Variants in CAST observed in about 807,000 individuals in gnomAD.
The protein encoded by CAST is MIR583 host.
CAST carries 76 observed loss-of-function variants against 119.6 expected under a neutral mutation model. The observed-to-expected ratio is 0.64, with a 90% confidence interval of 0.53 to 0.77. The LOEUF (loss-of-function observed/expected upper bound fraction) is 0.77. CAST is among the 30% of genes least tolerant of loss of function. The pLI is 0.00. For missense variants in CAST, 953 were observed against 946.5 expected, an observed-to-expected ratio of 1.01 and a Z score of -0.09; for synonymous variants, 319 against 331.6, an observed-to-expected ratio of 0.96 and a Z score of 0.41.
the CAST span, among the ~76,000 whole-genome samples, chr5:96,122,541 G>A: frequency 3.3e-5 from 5 of 152,136 alleles, no homozygotes; most frequent in African/African-American, 1.2e-4. Context: ...TCCAGTTAAG[G>A]TAAAGTCGAA....
At chr5:96,726,515 C>T (rs1197440729) in intron 4 of CAST, among the ~76,000 whole-genome samples, 2 of 151,932 alleles carry the variant, frequency 1.3e-5, no homozygotes, top group South Asian at 2.1e-4. Flanking sequence ...TTCATGTAGT[C>T]TTTACACAGG....
the CAST span, among the ~76,000 whole-genome samples, chr5:96,161,338 T>C: frequency 6.6e-6 from 1 of 152,180 alleles, no homozygotes; most frequent in African/African-American, 2.4e-5. Context: ...TGCATATTGT[T>C]GAGTTGTAAA....
At chr5:96,581,683 G>T (rs1239884750) in intron 1 of CAST, among the ~76,000 whole-genome samples, 4 of 152,166 alleles carry the variant, frequency 2.6e-5, no homozygotes, top group African/African-American at 9.7e-5. Flanking sequence ...AAGGTCAGGA[G>T]ATCGAGACCA....
At chr5:96,296,578 T>G in the CAST span, among the ~76,000 whole-genome samples, 1 of 152,226 alleles carries the variant, frequency 6.6e-6, no homozygotes, top group Non-Finnish European at 1.5e-5. Flanking sequence ...TTGCTATTTT[T>G]GTTACCTGCA....
chr5:96,647,287 A>C (rs1054972748), intron 1 of CAST, among the ~76,000 whole-genome samples: 2 of 152,206 alleles, frequency 1.3e-5, no homozygotes, highest in Non-Finnish European at 2.9e-5. Context: ...TTGGTTGTAC[A>C]AGATCATACA....
the CAST span, among the ~76,000 whole-genome samples, chr5:96,047,491 C>T: frequency 2.6e-5 from 4 of 152,106 alleles, no homozygotes; most frequent in African/African-American, 9.7e-5. Context: ...CTAACAAAGA[C>T]TTTCAAAGAA....
chr5:96,313,978 A>G, the CAST span, among the ~76,000 whole-genome samples: 2 of 152,148 alleles, frequency 1.3e-5, no homozygotes, highest in African/African-American at 2.4e-5. Context: ...TTTCCTGTCC[A>G]TTTTGGACCA....
the CAST span, among the ~76,000 whole-genome samples, chr5:96,324,808 C>T: frequency 5.9e-5 from 9 of 151,628 alleles, no homozygotes; most frequent in Admixed American, 3.3e-4. Context: ...TTACCTTTTT[C>T]CCCAGGTTCC....
chr5:96,274,165 G>GCT, the CAST span, among the ~76,000 whole-genome samples: 1 of 151,058 alleles, frequency 6.6e-6, no homozygotes, highest in Non-Finnish European at 1.5e-5. Flanking sequence ...GCAGTGGCGT[G>GCT]ATCTTGGCTC....
chr5:96,196,933 A>G, the CAST span, among the ~76,000 whole-genome samples: 2 of 152,310 alleles, frequency 1.3e-5, no homozygotes, highest in South Asian at 4.1e-4. Flanking sequence ...ACTGCTTATT[A>G]GAGTAATGCT....
At chr5:96,150,838 G>A in the CAST span, among the ~76,000 whole-genome samples, 2 of 152,170 alleles carry the variant, frequency 1.3e-5, no homozygotes, top group African/African-American at 4.8e-5. Context: ...CCCATAAAGA[G>A]CAGGCCTGGG....
the CAST span, among the ~76,000 whole-genome samples, chr5:96,466,691 A>G: frequency 6.6e-6 from 1 of 152,086 alleles, no homozygotes; most frequent in East Asian, 1.9e-4. Context: ...CAATTCATAA[A>G]TATCTTCCTC....
intron 1 of CAST, among the ~76,000 whole-genome samples, chr5:96,571,875 G>GCAC (rs1746576108): frequency 6.6e-6 from 1 of 152,118 alleles, no homozygotes; most frequent in South Asian, 2.1e-4. Flanking sequence ...CTTTACTGAT[G>GCAC]CACCCTAAAA....
chr5:96,139,553 T>C, the CAST span, among the ~76,000 whole-genome samples: 1 of 90,202 alleles, frequency 1.1e-5, no homozygotes, highest in African/African-American at 4.5e-5. Context: ...TATATGTATA[T>C]ATATGTGTGT....
chr5:96,500,916 T>A, the CAST span, among the ~76,000 whole-genome samples: 3 of 152,244 alleles, frequency 2.0e-5, no homozygotes, highest in African/African-American at 7.2e-5. Flanking sequence ...ACTACAAAAG[T>A]CAGGAATGAA....
chr5:96,003,638 C>T, the CAST span, among the ~76,000 whole-genome samples: 4 of 151,532 alleles, frequency 2.6e-5, no homozygotes, highest in Non-Finnish European at 5.9e-5. Flanking sequence ...TTACAAGTAT[C>T]TTAGTTGACA....
chr5:96,532,871 A>G lies in CAST; in HGVS notation c.60+2991A>G, dbSNP rs115077538. Among the ~76,000 whole-genome samples the G allele has an allele frequency of 6.0e-3, 908 of 152,026 alleles. 11 individuals carry two copies. The highest frequency in any genetic ancestry group is 0.024 in the South Asian group (116 of 4,812). On this transcript the variant is annotated intron_variant, in intron 1 of 11. Transcript: ENST00000505143. Reference sequence around the variant, plus strand: ...TCTCAAAAAAAAATTGTTTTTAATTAAAAAATCAGCCAGGATGGTGGTGCA... The same window carrying G: ...TCTCAAAAAAAAATTGTTTTTAATTGAAAAATCAGCCAGGATGGTGGTGCA...
the CAST span, among the ~76,000 whole-genome samples, chr5:96,228,300 T>C: frequency 5.3e-5 from 8 of 152,198 alleles, no homozygotes; most frequent in African/African-American, 1.9e-4. Context: ...TAGCTTTCAG[T>C]CAGTTTTTCT....
At chr5:96,642,946 CA>C (rs1747969929) in intron 1 of CAST, among the ~76,000 whole-genome samples, 1 of 152,138 alleles carries the variant, frequency 6.6e-6, no homozygotes, top group Non-Finnish European at 1.5e-5. Context: ...AGGTAGGAAC[CA>C]TTATTTTCCC....
Sources: gnomAD v4.1 joint callset for allele counts (sites outside exome capture counted in the v4.1 genomes callset) on GRCh38, gnomAD v4.1.1 for gene constraint, MANE v1.5 for transcripts, NCBI Gene and HGNC (gene_info 2026-07-23, HGNC 2026-07-21) for gene names.